The following ANKRD34B variants were observed in gnomAD, a reference collection of about 807,000 sequenced individuals.
ANKRD34B encodes the protein ankyrin repeat domain 34B.
In ANKRD34B, 2 loss-of-function variants were observed where a neutral mutation model predicts 4.4. The ratio of observed to expected loss-of-function variants is 0.46; its 90% CI spans 0.19 to 1.44. The LOEUF is 1.44. Among genes scored for constraint, ANKRD34B ranks in the 40% most tolerant of loss-of-function variants. The pLI is 0.26. For synonymous variants in ANKRD34B, 226 were observed against 227.1 expected (o/e 0.99, Z 0.05); for missense variants, 558 against 604.7 (o/e 0.92, Z 0.81).
In ANKRD34B at chr5:80,558,976, C is replaced by A; in HGVS notation, c.1044G>T (p.Gln348His). ...TTCTTAAGGTGGAAGCAAATATTGT[C>A]TGGTTAGAATCTGGGTCCTGGTCAA... is the stretch of plus-strand genomic sequence containing the variant. Reference protein sequence around the residue: ...VPVDQDPDSNQTIFASTLRSI... With the variant: ...VPVDQDPDSNHTIFASTLRSI... The change falls in exon 5 of 5, where the codon CAG becomes CAT. Residue 348 changes from glutamine (Q) to histidine (H), a missense_variant. Physicochemically the swap from Gln to His is conservative, Grantham distance 24. Coordinates refer to ENST00000338682, the MANE Select transcript of ANKRD34B (RefSeq NM_001004441.3). 1 of 1,614,152 alleles carries A rather than the reference C, an allele frequency of 6.2e-7. No individual in the cohort carries two copies. The highest frequency in any genetic ancestry group is 8.5e-7 in the Non-Finnish European group (1 of 1,180,034).
chr5:80,565,281 G>A (rs904086453), intron 3 of ANKRD34B, among the ~76,000 whole-genome samples: 3 of 152,078 alleles, frequency 2.0e-5, no homozygotes, highest in African/African-American at 7.2e-5. Flanking sequence ...CTCTACTTTT[G>A]ACGAAGACCA....
intron 4 of ANKRD34B, among the ~76,000 whole-genome samples, chr5:80,562,979 A>G (rs1282162729): frequency 6.6e-6 from 1 of 152,330 alleles, no homozygotes. Flanking sequence ...TGGAGGAAAC[A>G]TATTAATCGG....
chr5:80,561,557 G>C (rs576746338), intron 4 of ANKRD34B, among the ~76,000 whole-genome samples: 1 of 152,248 alleles, frequency 6.6e-6, no homozygotes, highest in Non-Finnish European at 1.5e-5. Flanking sequence ...CATGTGCTGG[G>C]CACTGAGCTA....
In ANKRD34B at chr5:80,569,068, TCA is replaced by T. The variant is rs2112723626; in HGVS notation, c.-301_-300del. ...GACCCCTGGAACCAGGCGCGTTTCC[TCA>T]GTTTTTCCTGAGAGCAGGAGGAAGC... On this transcript the variant is annotated 5_prime_UTR_variant, in exon 2 of 5. Coordinates refer to ENST00000338682, the MANE Select transcript of ANKRD34B (RefSeq NM_001004441.3). 6.6e-6 allele frequency: 1 copy of T among 152,364 alleles called. No individual in the cohort carries two copies. Among genetic ancestry groups the T allele is most frequent in the South Asian group, 2.1e-4 (1 of 4,824 alleles). The allele number at this position is 152,364 out of a possible 1,614,324, so 9.4% of individuals were successfully genotyped here.
At chr5:80,568,698 G>T (rs1746648157) in intron 2 of ANKRD34B, among the ~76,000 whole-genome samples, 1 of 152,116 alleles carries the variant, frequency 6.6e-6, no homozygotes. Context: ...GCCAGAAAAA[G>T]ATTCTTCCCT....
chr5:80,565,873 C>T (rs2112718189), intron 3 of ANKRD34B, among the ~76,000 whole-genome samples: 1 of 152,192 alleles, frequency 6.6e-6, no homozygotes, highest in Admixed American at 6.5e-5. Context: ...GTATACTTCC[C>T]TTACAATTTC....
chr5:80,559,631 T>A lies in ANKRD34B; in HGVS notation c.389A>T (p.Asp130Val), dbSNP rs531155342. ...SALVYAINSE[D>V]TETLKVLLSA... ...AAGAAGAACTTTCAGGGTCTCTGTATCTTCTGAATTTATAGCATAAACAAG... is the reference window on the plus strand; with the variant it reads ...AAGAAGAACTTTCAGGGTCTCTGTAACTTCTGAATTTATAGCATAAACAAG... Residue 130 changes from aspartate (D) to valine (V), a missense_variant, in exon 5 of 5, where the codon GAT (aspartate) becomes GTT (valine). Transcript: ENST00000338682. 39 of 1,614,212 alleles carry A rather than the reference T, an allele frequency of 2.4e-5. 1 individual carries two copies. In the South Asian group the frequency reaches 4.1e-4, roughly 17 times the overall value.
At chr5:80,566,657 G>A (rs1746576687) in intron 3 of ANKRD34B, 32 bp downstream of exon 3, 1 of 152,512 alleles carries the variant, frequency 6.6e-6, no homozygotes, top group African/African-American at 2.4e-5. Flanking sequence ...CACCCTTCCA[G>A]ACACCCACTC....
At position 80,559,668 on chromosome 5, in the gene ANKRD34B, T is replaced by C; in HGVS notation, c.352A>G (p.Ser118Gly). The change falls in exon 5 of 5, where the codon AGT (serine) becomes GGT (glycine). Residue 118 changes from serine (S) to glycine (G), a missense_variant. Transcript: ENST00000338682. ...GADLSLQDHSSYSALVYAINS... is the reference protein window; with the variant it reads ...GADLSLQDHSGYSALVYAINS... ...ATAGCATAAACAAGAGCTGAGTAAC[T>C]AGAATGGTCTTGCAAGCTGAGGTCA... 6.2e-7 allele frequency: 1 copy of C among 1,614,168 alleles called. No individual in the cohort carries two copies. The highest frequency in any genetic ancestry group is 1.7e-4 in the Middle Eastern group (1 of 6,056).
rs543659007 is a variant in ANKRD34B, at chr5:80,558,669, G to A, written c.1351C>T (p.Pro451Ser). 2.1e-5 allele frequency: 34 copies of A among 1,614,122 alleles called. No homozygotes were observed. The highest frequency in any genetic ancestry group is 8.8e-5 in the South Asian group (8 of 91,078). ...GGAGGGTGAGAATTTACATTTAAGG[G>A]TGGGAGAAACCCTTGTCTGGTTTGG... ...VTQTRQGFLP[P>S]LNVNSHPPIS... The change falls in exon 5 of 5, where the codon CCC (proline) becomes TCC (serine). Residue 451 changes from proline (P) to serine (S), a missense_variant. By Grantham distance (74) the Pro-to-Ser change is moderately conservative (BLOSUM62 -1). Coordinates refer to ENST00000338682, the MANE Select transcript of ANKRD34B (RefSeq NM_001004441.3).
intron 4 of ANKRD34B, among the ~76,000 whole-genome samples, chr5:80,562,267 C>G (rs76266778): frequency 0.024 from 3,681 of 152,166 alleles, 147 homozygotes; most frequent in African/African-American, 0.084. Context: ...TACTGAATCA[C>G]AGCCTATATT....
chr5:80,558,221 A>C lies in ANKRD34B; in HGVS notation c.*254T>G. The C allele has an allele frequency of 3.9e-6, 1 of 258,690 alleles. No homozygotes were observed. Among genetic ancestry groups the C allele is most frequent in the Non-Finnish European group, 7.3e-6 (1 of 137,724 alleles). 16.0% of individuals were successfully genotyped at this position (258,690 alleles called of 1,614,324 possible). On this transcript the variant is annotated 3_prime_UTR_variant, in exon 5 of 5. Transcript: ENST00000338682. Reference sequence around the variant, plus strand: ...TTTTTTAATGACAAATTTGGACTACATGGAGATTGTTAAATATTAGAAGCA... The same window carrying C: ...TTTTTTAATGACAAATTTGGACTACCTGGAGATTGTTAAATATTAGAAGCA...
intron 2 of ANKRD34B, among the ~76,000 whole-genome samples, chr5:80,567,743 G>A (rs957785206): frequency 6.6e-6 from 1 of 151,988 alleles, no homozygotes; most frequent in African/African-American, 2.4e-5. Flanking sequence ...GGCCATGGTG[G>A]GGAAGAACTT....
rs111416395 is a variant in ANKRD34B, at chr5:80,560,632, G to C, written c.-23-590C>G. Among the ~76,000 whole-genome samples the C allele has an allele frequency of 8.5e-3, 1,301 of 152,230 alleles. 15 individuals carry two copies. The highest frequency in any genetic ancestry group is 0.03 in the African/African-American group (1,236 of 41,534). On this transcript the variant is annotated intron_variant, in intron 4 of 4. Coordinates refer to ENST00000338682, the MANE Select transcript of ANKRD34B (RefSeq NM_001004441.3). ...GATATGATCATCCTACCTGCACTCA[G>C]CCTGGGTGACAGAGTGAGAACCTGT...
intron 4 of ANKRD34B, among the ~76,000 whole-genome samples, chr5:80,560,800 C>T (rs761766566): frequency 2.6e-5 from 4 of 152,120 alleles, no homozygotes; most frequent in African/African-American, 7.2e-5. Flanking sequence ...CTTAAACATG[C>T]TCTTCAATTA....
chr5:80,564,583 T>C (rs1007099390), intron 3 of ANKRD34B: 5 of 152,170 alleles, frequency 3.3e-5, no homozygotes, highest in African/African-American at 9.7e-5. Context: ...CCACCTGCAA[T>C]GTGGACATAG....
chr5:80,561,664 A>T (rs575954996), intron 4 of ANKRD34B, among the ~76,000 whole-genome samples: 2 of 152,166 alleles, frequency 1.3e-5, no homozygotes, highest in Non-Finnish European at 2.9e-5. Context: ...CAGAAGCTTT[A>T]ACATCCTGGG....
At position 80,559,718 on chromosome 5, in the gene ANKRD34B, A is replaced by G. The variant is rs760509384; in HGVS notation, c.302T>C (p.Val101Ala). The G allele has an allele frequency of 6.2e-7, 1 of 1,614,180 alleles. No individual in the cohort carries two copies. ...AGCCCCACTCTTGAGGAGCAAGGAA[A>G]CAACTTCAGGGCCAGCTTTTTCTAA... ...ACLEKAGPEV[V>A]SLLLKSGADL... The change falls in exon 5 of 5, where the codon GTT (valine) becomes GCT (alanine). Residue 101 changes from valine (V) to alanine (A), a missense_variant. Transcript: ENST00000338682.
In ANKRD34B at chr5:80,558,604, A is replaced by G; in HGVS notation, c.1416T>C (p.Leu472=). The G allele has an allele frequency of 6.2e-7, 1 of 1,614,128 alleles. No individual in the cohort carries two copies. The highest frequency in any genetic ancestry group is 8.5e-7 in the Non-Finnish European group (1 of 1,179,944). ...DINVNNKICS[L]LSCGQKVLMP... The stretch of plus-strand genomic sequence containing the variant: ...TAAGCACTTTTTGACCACAAGAAAG[A>G]AGGCTGCAAATCTTGTTGTTGACAT... The change falls in exon 5 of 5, where the codon CTT becomes CTC. Residue 472 remains leucine, a synonymous_variant. Transcript: ENST00000338682.
Sources: gnomAD v4.1 joint callset for allele counts (sites outside exome capture counted in the v4.1 genomes callset) on GRCh38, gnomAD v4.1.1 for gene constraint, MANE v1.5 for transcripts, NCBI Gene and HGNC (gene_info 2026-07-23, HGNC 2026-07-21) for gene names.